ARB2A: variants seen among roughly 807,000 people sequenced by gnomAD.
ARB2A encodes cotranscriptional regulator ARB2A.
At chr5:93,968,438 G>A in the ARB2A span, among the ~76,000 whole-genome samples, 4 of 152,222 alleles carry the variant, frequency 2.6e-5, no homozygotes, top group South Asian at 8.3e-4. Context: ...GGGTTTATTA[G>A]GCTAATTAGT....
At chr5:93,980,731 C>T in the ARB2A span, among the ~76,000 whole-genome samples, 1 of 152,054 alleles carries the variant, frequency 6.6e-6, no homozygotes. Context: ...TTTAAGTAGG[C>T]TGTTGAATTT....
chr5:93,972,433 C>T, the ARB2A span, among the ~76,000 whole-genome samples: 2 of 150,744 alleles, frequency 1.3e-5, no homozygotes, highest in Non-Finnish European at 3.0e-5. Context: ...AAAAGAATAA[C>T]AAATCAAGAC....
the ARB2A span, among the ~76,000 whole-genome samples, chr5:93,957,327 C>T: frequency 3.9e-5 from 6 of 152,184 alleles, no homozygotes; most frequent in Non-Finnish European, 8.8e-5. Flanking sequence ...TGAAAGCATC[C>T]GATTTTCTTT....
the ARB2A span, among the ~76,000 whole-genome samples, chr5:93,928,618 T>C: frequency 6.6e-6 from 1 of 152,112 alleles, no homozygotes; most frequent in African/African-American, 2.4e-5. Context: ...TTTTAAAAAG[T>C]TTTCCCCAGC....
At chr5:93,902,166 G>A in the ARB2A span, among the ~76,000 whole-genome samples, 4 of 151,840 alleles carry the variant, frequency 2.6e-5, no homozygotes, top group African/African-American at 4.8e-5. Context: ...GGTTTTTAAC[G>A]TATTTCTATT....
At chr5:94,100,858 A>G in the ARB2A span, among the ~76,000 whole-genome samples, 1 of 152,224 alleles carries the variant, frequency 6.6e-6, no homozygotes, top group Admixed American at 6.5e-5. Flanking sequence ...AGGCAATACC[A>G]TCCTGGACCT....
At chr5:94,067,297 C>T in the ARB2A span, among the ~76,000 whole-genome samples, 2 of 152,304 alleles carry the variant, frequency 1.3e-5, no homozygotes, top group South Asian at 2.1e-4. Context: ...AGGATGCCCA[C>T]TTTCACTACT....
chr5:93,726,222 C>G, the ARB2A span, among the ~76,000 whole-genome samples: 1 of 151,982 alleles, frequency 6.6e-6, no homozygotes, highest in Non-Finnish European at 1.5e-5. Context: ...GAAAAATTGA[C>G]ACAAGGACGA....
At chr5:94,012,684 G>C in the ARB2A span, among the ~76,000 whole-genome samples, 1 of 152,104 alleles carries the variant, frequency 6.6e-6, no homozygotes. Flanking sequence ...GCTAACTCAC[G>C]GGCTTGTAAG....
At chr5:93,865,321 T>A in the ARB2A span, 3 of 783,970 alleles carry the variant, frequency 3.8e-6, no homozygotes, top group African/African-American at 5.7e-5. Context: ...GACCTTGTGA[T>A]CCGCCCGCCT....
the ARB2A span, among the ~76,000 whole-genome samples, chr5:93,728,805 GACAACAACA>G: frequency 6.6e-6 from 1 of 152,036 alleles, no homozygotes; most frequent in African/African-American, 2.4e-5. Context: ...TGTCTTGAAT[GACAACAACA>G]ACATCATTAA....
chr5:94,057,108 T>TA, the ARB2A span, among the ~76,000 whole-genome samples: 1 of 152,232 alleles, frequency 6.6e-6, no homozygotes, highest in Admixed American at 6.5e-5. Context: ...TGAACTTTAC[T>TA]GTCAGCTCTC....
the ARB2A span, among the ~76,000 whole-genome samples, chr5:93,638,658 A>G: frequency 6.6e-6 from 1 of 151,014 alleles, no homozygotes; most frequent in East Asian, 1.9e-4. Context: ...CTAAAAATAC[A>G]AAAATACAAA....
chr5:93,908,120 A>G, the ARB2A span, among the ~76,000 whole-genome samples: 1 of 151,236 alleles, frequency 6.6e-6, no homozygotes, highest in Non-Finnish European at 1.5e-5. Flanking sequence ...CTATGCATAC[A>G]GCAAGCATTC....
At chr5:94,063,484 A>G in the ARB2A span, among the ~76,000 whole-genome samples, 1 of 152,168 alleles carries the variant, frequency 6.6e-6, no homozygotes, top group Non-Finnish European at 1.5e-5. Flanking sequence ...TCAGAGACCC[A>G]AGAACCCATC....
the ARB2A span, among the ~76,000 whole-genome samples, chr5:93,947,258 T>A: frequency 2.0e-5 from 3 of 152,166 alleles, no homozygotes; most frequent in African/African-American, 7.2e-5. Context: ...TTCATTTTTA[T>A]ATTAATCACA....
At chr5:94,080,703 G>A in the ARB2A span, among the ~76,000 whole-genome samples, 1 of 152,146 alleles carries the variant, frequency 6.6e-6, no homozygotes, top group Non-Finnish European at 1.5e-5. Flanking sequence ...TCAGCCTGAT[G>A]CAGGACAACC....
chr5:93,757,511 T>A, the ARB2A span, among the ~76,000 whole-genome samples: 1 of 152,118 alleles, frequency 6.6e-6, no homozygotes, highest in Admixed American at 6.5e-5. Flanking sequence ...GAAAAACCTA[T>A]CAGATTAACA....
At chr5:93,680,045 ATCT>A in the ARB2A span, among the ~76,000 whole-genome samples, 2 of 152,122 alleles carry the variant, frequency 1.3e-5, no homozygotes, top group Non-Finnish European at 2.9e-5. Flanking sequence ...AAGACTTATG[ATCT>A]TCTGACAACT....
Sources: gnomAD v4.1 joint callset for allele counts (sites outside exome capture counted in the v4.1 genomes callset) on GRCh38, gnomAD v4.1.1 for gene constraint, MANE v1.5 for transcripts, NCBI Gene and HGNC (gene_info 2026-07-23, HGNC 2026-07-21) for gene names.